The following IFNAR2 variants were observed in gnomAD, a reference collection of about 807,000 sequenced individuals.
IFNAR2 encodes interferon alpha and beta receptor subunit 2.
A neutral mutation model predicts 49.4 loss-of-function variants in IFNAR2; 30 were observed. That is an observed-to-expected ratio of 0.61 (90% CI 0.45 to 0.82). IFNAR2 has a LOEUF of 0.82. Ranked by LOEUF, IFNAR2 falls within the 40% of genes least tolerant of loss-of-function variation. IFNAR2 has a pLI of 0.00. For synonymous variants in IFNAR2, 224 were observed against 234.5 expected (o/e 0.96, Z 0.41); for missense variants, 600 against 622.7 (o/e 0.96, Z 0.39).
intron 8 of IFNAR2, 151 bp from the exon 9 acceptor site, chr21:33,262,642 C>T (rs1330831061): frequency 9.0e-7 from 1 of 1,111,014 alleles, no homozygotes; most frequent in Non-Finnish European, 1.4e-6. Context: ...AACTCCTGAG[C>T]TCAAACAGTC....
intron 6 of IFNAR2, 65 bp downstream of exon 6, chr21:33,248,919 T>C (rs1987643654): frequency 1.4e-5 from 17 of 1,186,334 alleles, no homozygotes; most frequent in Middle Eastern, 2.8e-4. Flanking sequence ...CTTGACTGTC[T>C]CTTTTGAAAG....
At chr21:33,237,078 G>GGTGGGTGTGTGTGTGTGTGTATGT (rs57276350) in intron 1 of IFNAR2, among the ~76,000 whole-genome samples, 1 of 147,590 alleles carries the variant, frequency 6.8e-6, no homozygotes, top group African/African-American at 2.5e-5. Context: ...GGGAGAATGG[G>GGTGGGTGTGTGTGTGTGTGTATGT]GTGTGTGTGT....
chr21:33,259,722 C>T (rs752730738), intron 7 of IFNAR2, among the ~76,000 whole-genome samples: 74 of 152,204 alleles, frequency 4.9e-4, no homozygotes, highest in Non-Finnish European at 2.4e-4. Context: ...CTGGAACTGT[C>T]ATTGATATGA....
chr21:33,247,254 C>CTTTTTTTTTTTTT (rs59707670), intron 5 of IFNAR2, among the ~76,000 whole-genome samples: 965 of 91,336 alleles, frequency 0.011, 46 homozygotes, highest in Non-Finnish European at 0.013. Context: ...TTCTTTCTTT[C>CTTTTTTTTTTTTT]TTTTTTTTTT....
At chr21:33,243,784 T>G (rs112184473) in intron 3 of IFNAR2, 70 bp downstream of exon 3, 87 of 1,066,320 alleles carry the variant, frequency 8.2e-5, no homozygotes, top group African/African-American at 7.8e-4. Flanking sequence ...CATTCAGAGG[T>G]ATAAAATGTG....
intron 8 of IFNAR2, among the ~76,000 whole-genome samples, chr21:33,261,692 T>C (rs1988581211): frequency 6.6e-6 from 1 of 151,990 alleles, no homozygotes; most frequent in Non-Finnish European, 1.5e-5. Context: ...CTGGGCAATA[T>C]AAGGAAACCT....
rs1465372265 is a variant in IFNAR2 at position 33,245,091 on chromosome 21, A to G, written c.221+17A>G. 6.4e-7 allele frequency: 1 copy of G among 1,573,166 alleles called. No homozygotes were observed. The highest frequency in any genetic ancestry group is 8.7e-7 in the Non-Finnish European group (1 of 1,143,256). On this transcript the variant is annotated intron_variant, in intron 4 of 8. Transcript: ENST00000342136. The stretch of plus-strand genomic sequence containing the variant: ...AATCATGAGGTTGGTTTGATATTTC[A>G]TTTTCTCTTGGTAAACATATTATTG...
At chr21:33,237,355 AG>A (rs1381664160) in intron 1 of IFNAR2, among the ~76,000 whole-genome samples, 1 of 150,212 alleles carries the variant, frequency 6.7e-6, no homozygotes, top group Non-Finnish European at 1.5e-5. Flanking sequence ...AACATAGCAA[AG>A]CCCCATCTCT....
Position 33,230,025 on chromosome 21 carries a change from G to T in IFNAR2, c.-275G>T. 1 of 985,256 alleles carries T rather than the reference G, an allele frequency of 1.0e-6. No individual in the cohort carries two copies. The highest frequency in any genetic ancestry group is 1.2e-6 in the Non-Finnish European group (1 of 829,822). The allele number at this position is 985,256 out of a possible 1,614,324, so 61.0% of individuals were successfully genotyped here. On this transcript the variant is annotated 5_prime_UTR_variant, in exon 1 of 9. Coordinates refer to ENST00000342136, the MANE Select transcript of IFNAR2 (RefSeq NM_001289125.3). The surrounding 1 kb of genome is among the most constrained non-coding windows in gnomAD (Gnocchi z 5.5). ...CGGGTAGGAATCCCGCCGGCGAGCC[G>T]AACAGTTCCCCGAGCGCAGCCCGCG...
chr21:33,245,215 C>T (rs1231186190), intron 4 of IFNAR2, 141 bp downstream of exon 4: 2 of 621,416 alleles, frequency 3.2e-6, no homozygotes, highest in Non-Finnish European at 5.6e-6. Context: ...TTATTCAGAG[C>T]CTTAAAAAGC....
intron 6 of IFNAR2, among the ~76,000 whole-genome samples, chr21:33,250,464 G>A (rs1987762972): frequency 6.6e-6 from 1 of 152,200 alleles, no homozygotes; most frequent in East Asian, 1.9e-4. Flanking sequence ...GCAACAGATG[G>A]TGGTGGCTTG....
chr21:33,246,784 A>G lies in IFNAR2; in HGVS notation c.288A>G (p.Thr96=). The change falls in exon 5 of 9, where the codon ACA becomes ACG. Residue 96 remains threonine, a synonymous_variant. Transcript: ENST00000342136. ...CCACAAGATCATTTTGTGACCTCAC[A>G]GATGAGTGGAGAAGCACACACGAGG... is the stretch of plus-strand genomic sequence containing the variant. ...ANTTRSFCDL[T]DEWRSTHEAY... is the part of the protein sequence containing the mutation. 2 of 1,613,798 alleles carry G rather than the reference A, an allele frequency of 1.2e-6. No individual in the cohort carries two copies. The highest frequency in any genetic ancestry group is 1.7e-6 in the Non-Finnish European group (2 of 1,179,618).
chr21:33,263,889 C>T lies in IFNAR2; in HGVS notation c.*389C>T, dbSNP rs1275350844. On this transcript the variant is annotated 3_prime_UTR_variant, in exon 9 of 9. Coordinates refer to ENST00000342136, the MANE Select transcript of IFNAR2 (RefSeq NM_001289125.3). ...TTTTTTTTTGAGACAGAGTCTCGTT[C>T]TGTCGCCCAAGCTGGAGCGCAATGG... 1 of 147,286 alleles carries T rather than the reference C, an allele frequency of 6.8e-6. No individual in the cohort carries two copies. Among genetic ancestry groups the T allele is most frequent in the Non-Finnish European group, 1.4e-5 (1 of 72,640 alleles). The allele number at this position is 147,286 out of a possible 1,614,324, so 9.1% of individuals were successfully genotyped here. A position where few individuals can be genotyped will look rare whatever the true frequency, so the allele number is the denominator to read the frequency against.
chr21:33,238,013 C>T (rs183101717), intron 1 of IFNAR2, among the ~76,000 whole-genome samples: 15 of 152,206 alleles, frequency 9.9e-5, no homozygotes, highest in Admixed American at 9.8e-4. Context: ...ATAGGTCTGC[C>T]TTTCTTTATG....
In IFNAR2 at chr21:33,246,712, C is replaced by A; in HGVS notation, c.222-6C>A. On this transcript the variant is annotated splice_region_variant and splice_polypyrimidine_tract_variant and intron_variant, in intron 4 of 8. Coordinates refer to ENST00000342136, the MANE Select transcript of IFNAR2 (RefSeq NM_001289125.3). ...ATTTCCTTTTTCCATTTTTTTCTTTCCAAAGTAAACCAGAAGATTTGAAGG... is the reference window on the plus strand; with the variant it reads ...ATTTCCTTTTTCCATTTTTTTCTTTACAAAGTAAACCAGAAGATTTGAAGG... 11 of 1,599,734 alleles carry A rather than the reference C, an allele frequency of 6.9e-6. No individual in the cohort carries two copies. The highest frequency in any genetic ancestry group is 9.4e-6 in the Non-Finnish European group (11 of 1,175,046).
chr21:33,251,449 G>C, intron 6 of IFNAR2: 1 of 588,746 alleles, frequency 1.7e-6, no homozygotes, highest in South Asian at 7.5e-5. Flanking sequence ...AGTGGGAGGA[G>C]AAAAATTGGA....
chr21:33,242,177 G>C (rs1324688604), intron 2 of IFNAR2, among the ~76,000 whole-genome samples, 200 bp downstream of exon 2: 2 of 152,176 alleles, frequency 1.3e-5, no homozygotes, highest in African/African-American at 4.8e-5. Context: ...CTGTCCTGTT[G>C]TTAATTTTAG....
chr21:33,257,869 C>G (rs987340811), intron 7 of IFNAR2, among the ~76,000 whole-genome samples: 13 of 152,160 alleles, frequency 8.5e-5, no homozygotes, highest in African/African-American at 3.1e-4. Context: ...CACAGATGGC[C>G]TTCCTGAGAA....
rs1265189745 is a variant in IFNAR2 at position 33,245,062 on chromosome 21, A to G, written c.209A>G (p.Tyr70Cys). 1.2e-6 allele frequency: 2 copies of G among 1,610,000 alleles called. No homozygotes were observed. Among genetic ancestry groups the G allele is most frequent in the East Asian group, 2.2e-5 (1 of 44,856 alleles). ...SIVPTHYTLL[Y>C]TIMSKPEDLK... ...GTACCAACTCACTATACATTGCTGT[A>G]TACAATCATGAGGTTGGTTTGATAT... Residue 70 changes from tyrosine (Y) to cysteine (C), a missense_variant, in exon 4 of 9, where the codon TAT becomes TGT. Physicochemically the swap from Tyr to Cys is radical, Grantham distance 194. Transcript: ENST00000342136.
Sources: gnomAD v4.1 joint callset for allele counts (sites outside exome capture counted in the v4.1 genomes callset) on GRCh38, gnomAD v4.1.1 for gene constraint, Gnocchi (gnomAD v3.1) non-coding constraint, MANE v1.5 for transcripts, NCBI Gene and HGNC (gene_info 2026-07-23, HGNC 2026-07-21) for gene names.